EFL1: variants seen among roughly 807,000 people sequenced by gnomAD.
EFL1 encodes the protein elongation factor like GTPase 1, also known as elongation factor-like GTPase 1.
EFL1 carries 76 observed loss-of-function variants against 126.7 expected under a neutral mutation model. The ratio of observed to expected loss-of-function variants is 0.60; its 90% CI spans 0.50 to 0.73. EFL1 has a LOEUF of 0.73. Among genes scored for constraint, EFL1 ranks in the 30% least tolerant of loss-of-function variants. EFL1 has a pLI of 0.00. For missense variants in EFL1, 1,128 were observed against 1,343.2 expected (o/e 0.84, Z 2.50); for synonymous variants, 410 against 448.4 (o/e 0.91, Z 1.08).
At chr15:82,216,454 CT>C (rs1394460473) in intron 14 of EFL1, among the ~76,000 whole-genome samples, 1 of 152,092 alleles carries the variant, frequency 6.6e-6, no homozygotes, top group East Asian at 1.9e-4. Context: ...GGGATTTGGT[CT>C]TTTTGATGTC....
rs2074686159 is a variant in EFL1 at position 82,219,583 on chromosome 15, C to T, written c.1611+69G>A. 2.7e-6 allele frequency: 4 copies of T among 1,494,274 alleles called. No homozygotes were observed. The Admixed American group carries it at 6.4e-5, about 24-fold the overall frequency. The allele number at this position is 1,494,274 out of a possible 1,614,324, so 92.6% of individuals were successfully genotyped here. A position where few individuals can be genotyped will look rare whatever the true frequency, so the allele number is the denominator to read the frequency against. On this transcript the variant is annotated intron_variant, in intron 14 of 19. Transcript: ENST00000268206. Reference sequence around the variant, plus strand: ...TCTACCAACAAGATAATCACCAGTCCCAACAAAATGTGAAAAGATATCAGA... The same window carrying T: ...TCTACCAACAAGATAATCACCAGTCTCAACAAAATGTGAAAAGATATCAGA...
At chr15:82,174,678 C>T (rs143424480) in intron 15 of EFL1, among the ~76,000 whole-genome samples, 58 of 152,244 alleles carry the variant, frequency 3.8e-4, no homozygotes, top group African/African-American at 1.3e-3. Flanking sequence ...AACCAAGGTT[C>T]TGAGAGTGAG....
chr15:82,131,660 C>T lies in EFL1; in HGVS notation c.3175-1099G>A, dbSNP rs148256240. On this transcript the variant is annotated intron_variant, in intron 19 of 19. Transcript: ENST00000268206. ...ACAAAAAATTAGCCAGGCTTGATGG[C>T]GCATGCCTGTAATCCCAGCTACTTG... Among the ~76,000 whole-genome samples the T allele has an allele frequency of 9.1e-3, 1,377 of 152,060 alleles. 32 individuals carry two copies. The highest frequency in any genetic ancestry group is 0.048 in the Middle Eastern group (14 of 294).
intron 6 of EFL1, among the ~76,000 whole-genome samples, 170 bp from the exon 7 acceptor site, chr15:82,238,691 C>T (rs114935331): frequency 0.011 from 1,657 of 152,254 alleles, 35 homozygotes; most frequent in African/African-American, 0.038. Flanking sequence ...TAGATGTATC[C>T]ATTCTTCCTA....
intron 3 of EFL1, among the ~76,000 whole-genome samples, chr15:82,257,675 A>C (rs1354565731): frequency 6.6e-6 from 1 of 152,110 alleles, no homozygotes; most frequent in Non-Finnish European, 1.5e-5. Context: ...TTCCCCTATT[A>C]TATCTATCTT....
chr15:82,179,487 TG>T (rs1211515220), intron 15 of EFL1, among the ~76,000 whole-genome samples: 1 of 152,074 alleles, frequency 6.6e-6, no homozygotes, highest in Non-Finnish European at 1.5e-5. Context: ...GAGGGTAGCA[TG>T]GGGAAAGGCT....
chr15:82,170,064 T>A (rs2074117674), intron 15 of EFL1, among the ~76,000 whole-genome samples: 3 of 148,386 alleles, frequency 2.0e-5, no homozygotes. Flanking sequence ...ACAGAGGACA[T>A]GGGAAGGAGT....
intron 15 of EFL1, among the ~76,000 whole-genome samples, chr15:82,202,215 G>A (rs1482336258): frequency 2.0e-5 from 3 of 152,076 alleles, no homozygotes; most frequent in Admixed American, 6.5e-5. Context: ...GCTGGACGAC[G>A]TCTTTCAGAT....
chr15:82,131,279 C>T lies in EFL1; in HGVS notation c.3175-718G>A, dbSNP rs971755986. ...AAAGATCAACACATGTAACTACACT[C>T]TTATTATTATTACATATATTTTTTT... On this transcript the variant is annotated intron_variant, in intron 19 of 19. Transcript: ENST00000268206. 3.1e-4 allele frequency among the ~76,000 whole-genome samples: 47 copies of T among 152,204 alleles called. 1 individual carries two copies. The highest frequency in any genetic ancestry group is 3.4e-3 in the Middle Eastern group (1 of 294).
chr15:82,191,314 TTCATCAC>T, intron 15 of EFL1, among the ~76,000 whole-genome samples: 1 of 152,270 alleles, frequency 6.6e-6, no homozygotes. Context: ...AGTTTAAAGT[TTCATCAC>T]TCAAATGTAG....
intron 15 of EFL1, among the ~76,000 whole-genome samples, chr15:82,172,120 C>T (rs2141250611): frequency 6.6e-6 from 1 of 151,040 alleles, no homozygotes; most frequent in Admixed American, 6.6e-5. Flanking sequence ...AAGGTAAATG[C>T]AAATTAAAAC....
At chr15:82,180,315 G>A (rs1281631219) in intron 15 of EFL1, among the ~76,000 whole-genome samples, 2 of 141,454 alleles carry the variant, frequency 1.4e-5, no homozygotes, top group Non-Finnish European at 3.0e-5. Context: ...CCCAATTTGT[G>A]TTACATATTG....
chr15:82,223,684 CA>C (rs1212621557), intron 12 of EFL1, among the ~76,000 whole-genome samples: 1 of 152,046 alleles, frequency 6.6e-6, no homozygotes, highest in African/African-American at 2.4e-5. Context: ...TCCCAATGGC[CA>C]AAAAACATCC....
At chr15:82,204,514 G>A (rs906958988) in intron 15 of EFL1, among the ~76,000 whole-genome samples, 18 of 152,130 alleles carry the variant, frequency 1.2e-4, no homozygotes, top group Admixed American at 8.5e-4. Flanking sequence ...ACAATCACTT[G>A]CTTTTCTGTT....
intron 15 of EFL1, among the ~76,000 whole-genome samples, chr15:82,189,565 T>A (rs552481536): frequency 1.3e-5 from 2 of 152,150 alleles, no homozygotes; most frequent in African/African-American, 4.8e-5. Context: ...AATATTTTCT[T>A]TAGTCTTCAA....
intron 15 of EFL1, among the ~76,000 whole-genome samples, chr15:82,211,035 C>T (rs938517241): frequency 3.3e-5 from 5 of 151,984 alleles, no homozygotes; most frequent in African/African-American, 1.2e-4. Context: ...ATTATTTCAG[C>T]CCAATGCAGC....
At chr15:82,248,274 CA>C (rs2074991326) in intron 4 of EFL1, among the ~76,000 whole-genome samples, 1 of 152,008 alleles carries the variant, frequency 6.6e-6, no homozygotes, top group Non-Finnish European at 1.5e-5. Flanking sequence ...ACCCTTCAGT[CA>C]AATGAGGGGT....
intron 18 of EFL1, 64 bp from the exon 19 acceptor site, chr15:82,138,906 T>A: frequency 6.8e-7 from 1 of 1,471,838 alleles, no homozygotes; most frequent in Non-Finnish European, 9.3e-7. Flanking sequence ...CACCAAGACA[T>A]GATTACCCAT....
intron 4 of EFL1, among the ~76,000 whole-genome samples, chr15:82,244,390 G>C (rs1437911673): frequency 6.6e-6 from 1 of 152,066 alleles, no homozygotes; most frequent in African/African-American, 2.4e-5. Flanking sequence ...AAAAAGTAGA[G>C]AATGCATAAC....
Sources: allele counts gnomAD v4.1 joint callset (sites outside exome capture counted in the v4.1 genomes callset), GRCh38; gene constraint gnomAD v4.1.1; transcripts MANE v1.5; gene names NCBI Gene and HGNC (gene_info 2026-07-23, HGNC 2026-07-21).